CACNA1D: variants seen among roughly 807,000 people sequenced by gnomAD.
The protein encoded by CACNA1D is voltage-dependent L-type calcium channel subunit alpha-1D.
A neutral mutation model predicts 257.1 loss-of-function variants in CACNA1D; 55 were observed. The ratio of observed to expected loss-of-function variants is 0.21; its 90% CI spans 0.17 to 0.27. The LOEUF (loss-of-function observed/expected upper bound fraction) is 0.27, where lower values mean the gene tolerates loss of function less well. Among genes scored for constraint, CACNA1D ranks in the 10% least tolerant of loss-of-function variants. The pLI, the probability that CACNA1D is intolerant of heterozygous loss-of-function variation, is 1.00. For missense variants in CACNA1D, 1,876 were observed against 2,784.0 expected (o/e 0.67, Z 7.34); for synonymous variants, 980 against 1,014.9 (o/e 0.97, Z 0.65).
chr3:53,679,627 T>C (rs532016698), intron 8 of CACNA1D: 27 of 152,352 alleles, frequency 1.8e-4, no homozygotes, highest in Non-Finnish European at 3.7e-4. Flanking sequence ...TAGATAGTTC[T>C]TATGATTAAA....
chr3:53,726,745 A>G lies in CACNA1D; in HGVS notation c.2101-134A>G. 3 of 962,488 alleles carry G rather than the reference A, an allele frequency of 3.1e-6. No homozygotes were observed. The Admixed American group carries it at 5.2e-5, about 17-fold the overall frequency. 59.6% of individuals were successfully genotyped at this position (962,488 alleles called of 1,614,324 possible). A position where few individuals can be genotyped will look rare whatever the true frequency, so the allele number is the denominator to read the frequency against. On this transcript the variant is annotated intron_variant, in intron 14 of 47. Transcript: ENST00000350061. ...TGTTTTAGAAATTCCATGGGATAAC[A>G]GATGGATTTGTTCAGTGCAAACTGG...
intron 3 of CACNA1D, among the ~76,000 whole-genome samples, chr3:53,599,518 A>G (rs2093414966): frequency 6.6e-6 from 1 of 152,186 alleles, no homozygotes; most frequent in Admixed American, 6.5e-5. Flanking sequence ...AATAGCCCAG[A>G]CTTTAAAGTC....
At chr3:53,664,429 C>G (rs780788510) in intron 5 of CACNA1D, among the ~76,000 whole-genome samples, 3 of 152,234 alleles carry the variant, frequency 2.0e-5, no homozygotes, top group Non-Finnish European at 4.4e-5. Context: ...TCCTGTTGGT[C>G]TTTCTAAAGC....
intron 16 of CACNA1D, 122 bp from the exon 17 acceptor site, chr3:53,730,955 G>C (rs747491150): frequency 5.7e-6 from 4 of 700,200 alleles, no homozygotes; most frequent in Non-Finnish European, 1.0e-5. Context: ...CTTGTGGTTA[G>C]TGTTGTTTCT....
At position 53,751,683 on chromosome 3, in the gene CACNA1D, G is replaced by T; in HGVS notation, c.3517-66G>T. ...TAGGGTGAGCTCTTTCAGAGCAGAT[G>T]ACCACGGGGTCCTCCTTCCCTGCAA... On this transcript the variant is annotated intron_variant, in intron 27 of 47. Coordinates refer to ENST00000350061, the MANE Select transcript of CACNA1D (RefSeq NM_001128840.3). The surrounding 1 kb of genome is among the most constrained non-coding windows in gnomAD (Gnocchi z 4.3). The T allele has an allele frequency of 6.5e-7, 1 of 1,549,282 alleles. No individual in the cohort carries two copies. The highest frequency in any genetic ancestry group is 8.9e-7 in the Non-Finnish European group (1 of 1,121,908).
chr3:53,559,136 A>G (rs534126601), intron 3 of CACNA1D, among the ~76,000 whole-genome samples: 7 of 152,262 alleles, frequency 4.6e-5, no homozygotes, highest in Admixed American at 2.0e-4. Context: ...TATTCCTGCT[A>G]TTACCTCCAG....
In CACNA1D at chr3:53,511,766, A is replaced by G. The variant is rs2091122334; in HGVS notation, c.483+10046A>G. Among the ~76,000 whole-genome samples the G allele has an allele frequency of 2.0e-5, 3 of 152,322 alleles. No homozygotes were observed. The South Asian group carries it at 6.2e-4, about 32-fold the overall frequency. On this transcript the variant is annotated intron_variant, in intron 3 of 47. Transcript: ENST00000350061. ...TAAAGTACTTTTTAAAGCATTTATT[A>G]CGGGTAAAATATAGTCCCATTAGAC...
At chr3:53,775,796 G>A in intron 34 of CACNA1D, 90 bp from the exon 35 acceptor site, 1 of 1,222,522 alleles carries the variant, frequency 8.2e-7, no homozygotes. Flanking sequence ...CTTAGGTTTT[G>A]CTCTAATTAT....
chr3:53,730,951 G>C lies in CACNA1D; in HGVS notation c.2337-126G>C, dbSNP rs1367631715. On this transcript the variant is annotated intron_variant, in intron 16 of 47. Transcript: ENST00000350061. ...GTTTGGGTTGTGCTAGGCTCTTGTG[G>C]TTAGTGTTGTTTCTAATTAAATTCT... 5.8e-6 allele frequency: 4 copies of C among 690,108 alleles called. No individual in the cohort carries two copies. The African/African-American group carries it at 7.2e-5, about 12-fold the overall frequency. The allele number at this position is 690,108 out of a possible 1,614,324, so 42.7% of individuals were successfully genotyped here. A position where few individuals can be genotyped will look rare whatever the true frequency, so the allele number is the denominator to read the frequency against.
At chr3:53,734,713 C>T (rs1187522028) in intron 19 of CACNA1D, among the ~76,000 whole-genome samples, 2 of 152,138 alleles carry the variant, frequency 1.3e-5, no homozygotes, top group Non-Finnish European at 2.9e-5. Flanking sequence ...CCATGAGATC[C>T]TTGCATGTTA....
intron 8 of CACNA1D, among the ~76,000 whole-genome samples, chr3:53,700,754 G>T (rs2094616505): frequency 6.6e-6 from 1 of 152,026 alleles, no homozygotes; most frequent in African/African-American, 2.4e-5. Flanking sequence ...GTGGAGTGGA[G>T]ACTGACAGCC....
intron 3 of CACNA1D, among the ~76,000 whole-genome samples, chr3:53,503,366 A>C (rs1442666409): frequency 1.3e-5 from 2 of 152,246 alleles, no homozygotes; most frequent in African/African-American, 4.8e-5. Flanking sequence ...GAAAAAGCAG[A>C]AGTGGTGGAA....
rs76296506 is a variant in CACNA1D, at chr3:53,689,959, T to C, written c.1221-12682T>C. The stretch of plus-strand genomic sequence containing the variant: ...ACAGGTATGAGCCACTGCACCCGGC[T>C]AGATTTTTTTTTAATTGCTTATAAT... On this transcript the variant is annotated intron_variant, in intron 8 of 47. Transcript: ENST00000350061. Among the ~76,000 whole-genome samples, 1,355 of 152,320 alleles carry C rather than the reference T, an allele frequency of 8.9e-3. 34 individuals carry two copies. The highest frequency in any genetic ancestry group is 0.085 in the East Asian group (440 of 5,184).
intron 3 of CACNA1D, among the ~76,000 whole-genome samples, chr3:53,640,900 TG>T (rs1477148182): frequency 6.6e-6 from 1 of 152,060 alleles, no homozygotes; most frequent in Admixed American, 6.5e-5. Context: ...AGCAGGCATG[TG>T]GTGGTCATTG....
At chr3:53,545,930 G>A (rs1049841666) in intron 3 of CACNA1D, among the ~76,000 whole-genome samples, 2 of 152,142 alleles carry the variant, frequency 1.3e-5, no homozygotes, top group Non-Finnish European at 2.9e-5. Context: ...TTCTTATAAA[G>A]CAATTACAGA....
At chr3:53,788,425 T>C (rs962407266) in intron 40 of CACNA1D, among the ~76,000 whole-genome samples, 4 of 152,222 alleles carry the variant, frequency 2.6e-5, no homozygotes, top group Non-Finnish European at 5.9e-5. Flanking sequence ...CAAATGAAGC[T>C]TTCTCACTTC....
At chr3:53,603,595 A>G (rs2093471918) in intron 3 of CACNA1D, among the ~76,000 whole-genome samples, 1 of 152,248 alleles carries the variant, frequency 6.6e-6, no homozygotes, top group African/African-American at 2.4e-5. Context: ...AATACCACTC[A>G]GTACTCTTAG....
At chr3:53,709,267 C>T (rs1018966360) in intron 9 of CACNA1D, among the ~76,000 whole-genome samples, 1 of 152,176 alleles carries the variant, frequency 6.6e-6, no homozygotes, top group Admixed American at 6.5e-5. Flanking sequence ...ATTCATTCTT[C>T]TTCACACAAC....
chr3:53,662,286 C>A (rs1017208140), intron 5 of CACNA1D, among the ~76,000 whole-genome samples: 1 of 152,116 alleles, frequency 6.6e-6, no homozygotes, highest in East Asian at 1.9e-4. Flanking sequence ...AGTTCTTAAG[C>A]ACCCACATTA....
Sources: gnomAD v4.1 joint callset for allele counts (sites outside exome capture counted in the v4.1 genomes callset) on GRCh38, gnomAD v4.1.1 for gene constraint, Gnocchi (gnomAD v3.1) non-coding constraint, MANE v1.5 for transcripts, NCBI Gene and HGNC (gene_info 2026-07-23, HGNC 2026-07-21) for gene names.